GPCPD1: variants seen among roughly 807,000 people sequenced by gnomAD.
GPCPD1 encodes glycerophosphocholine phosphodiesterase 1.
A neutral mutation model predicts 89.2 loss-of-function variants in GPCPD1; 29 were observed. The observed-to-expected ratio is 0.33, with a 90% CI of 0.24 to 0.44. The LOEUF (loss-of-function observed/expected upper bound fraction) is 0.44, where lower values mean the gene tolerates loss of function less well. Ranked by LOEUF, GPCPD1 falls within the 20% of genes least tolerant of loss-of-function variation. The probability of loss-of-function intolerance (pLI) is 1.00; values close to 1 mark genes in which losing one functional copy is unlikely to be tolerated. For synonymous variants in GPCPD1, 258 were observed against 266.3 expected (o/e 0.97, Z 0.30); for missense variants, 594 against 808.9 (o/e 0.73, Z 3.22).
chr20:5,553,696 A>T (rs1430035721), intron 19 of GPCPD1, among the ~76,000 whole-genome samples: 3 of 152,218 alleles, frequency 2.0e-5, no homozygotes, highest in African/African-American at 4.8e-5. Flanking sequence ...TGGATAGAAG[A>T]TCAAACCAGC....
intron 6 of GPCPD1, among the ~76,000 whole-genome samples, chr20:5,581,149 A>G (rs766083242): frequency 2.0e-5 from 3 of 152,154 alleles, no homozygotes; most frequent in Non-Finnish European, 4.4e-5. Context: ...AAGTGCTGGT[A>G]TTACAGGCAT....
chr20:5,550,338 C>A (rs2122525183), intron 19 of GPCPD1, among the ~76,000 whole-genome samples: 1 of 143,872 alleles, frequency 7.0e-6, no homozygotes, highest in South Asian at 2.2e-4. Context: ...AAATCTGGTC[C>A]AAGAGCTATT....
chr20:5,570,371 T>C (rs1180901107), intron 11 of GPCPD1, 132 bp from the exon 12 acceptor site: 3 of 412,238 alleles, frequency 7.3e-6, no homozygotes, highest in African/African-American at 6.4e-5. Flanking sequence ...AAGTAATGTA[T>C]TCTCTTAAAA....
chr20:5,593,368 C>A lies in GPCPD1; in HGVS notation c.190G>T (p.Val64Phe), dbSNP rs1436721887. 6.3e-7 allele frequency: 1 copy of A among 1,598,634 alleles called. No homozygotes were observed. The highest frequency in any genetic ancestry group is 8.6e-7 in the Non-Finnish European group (1 of 1,166,298). The change falls in exon 4 of 20, where the codon GTT (valine) becomes TTT (phenylalanine). Residue 64 changes from valine to phenylalanine, a missense_variant. Transcript: ENST00000379019. ...TACCCTTTGAAGTAGCGATACTGAA[C>A]TGATACTCCTCTACTGAGTACAATG... ...ATIVLSRGVS[V>F]QYRYFKGYFL...
intron 4 of GPCPD1, among the ~76,000 whole-genome samples, chr20:5,589,505 G>A (rs1163004524): frequency 2.0e-5 from 3 of 152,046 alleles, no homozygotes; most frequent in East Asian, 3.9e-4. Flanking sequence ...CCAACTACTC[G>A]GAAGGCTGAT....
In GPCPD1 at chr20:5,567,562, T is replaced by TAAAAAAAAAAAAAAA; in HGVS notation, c.1150-17_1150-3dup. On this transcript the variant is annotated splice_region_variant and splice_polypyrimidine_tract_variant and intron_variant, in intron 12 of 19. Transcript: ENST00000379019. ...TTCAACTGGATCAGCATCAAATTTC[T>TAAAAAAAAAAAAAAA]AAAAAAAAAAAAAAAAGAAAGAAAG... The TAAAAAAAAAAAAAAA allele has an allele frequency of 7.7e-7, 1 of 1,296,988 alleles. No individual in the cohort carries two copies. The highest frequency in any genetic ancestry group is 1.0e-6 in the Non-Finnish European group (1 of 975,634). 80.3% of individuals were successfully genotyped at this position (1,296,988 alleles called of 1,614,324 possible).
Position 5,547,786 on chromosome 20 carries a change from G to GC in GPCPD1, c.1893dup (p.Gln632AlafsTer7). 1 of 1,610,264 alleles carries GC rather than the reference G, an allele frequency of 6.2e-7. No individual in the cohort carries two copies. The highest frequency in any genetic ancestry group is 1.1e-5 in the South Asian group (1 of 90,850). ...CAGCTCTTAAGCTCTGGCAATTCCT[G>GC]CTTCAGGCGTTCCAATTGCTCCACT... On this transcript the variant is annotated frameshift_variant, in exon 20 of 20. Coordinates refer to ENST00000379019, the MANE Select transcript of GPCPD1 (RefSeq NM_019593.5). LOFTEE classifies it high-confidence loss of function.
At chr20:5,595,725 C>T (rs895232191) in intron 3 of GPCPD1, among the ~76,000 whole-genome samples, 11 of 152,018 alleles carry the variant, frequency 7.2e-5, no homozygotes, top group African/African-American at 1.7e-4. Flanking sequence ...GCCTCAGAAT[C>T]CTTTTCAACA....
chr20:5,584,347 T>C (rs754113622), intron 5 of GPCPD1, 25 bp from the exon 6 acceptor site: 2 of 1,123,188 alleles, frequency 1.8e-6, no homozygotes, highest in Admixed American at 1.8e-5. Flanking sequence ...AAATAGAAAA[T>C]TTAGTTAAAA....
rs1979036063 is a variant in GPCPD1, at chr20:5,587,832, T to C, written c.232-1563A>G. Reference sequence around the variant, plus strand: ...ATATGTAACAAATTAGGCACATTATTAATTATTAAATGCAATAAATAATCC... The same window carrying C: ...ATATGTAACAAATTAGGCACATTATCAATTATTAAATGCAATAAATAATCC... On this transcript the variant is annotated intron_variant, in intron 4 of 19. Transcript: ENST00000379019. Among the ~76,000 whole-genome samples the C allele has an allele frequency of 2.0e-5, 3 of 152,266 alleles. No homozygotes were observed. The South Asian group carries it at 6.2e-4, about 31-fold the overall frequency.
intron 19 of GPCPD1, among the ~76,000 whole-genome samples, chr20:5,554,836 T>G (rs563800190): frequency 6.6e-6 from 1 of 152,262 alleles, no homozygotes; most frequent in South Asian, 2.1e-4. Context: ...TGAAAACTTT[T>G]TATCATTCCA....
At chr20:5,604,518 C>T in intron 1 of GPCPD1, 78 bp from the exon 2 acceptor site, 1 of 596,228 alleles carries the variant, frequency 1.7e-6, no homozygotes, top group Non-Finnish European at 2.9e-6. Flanking sequence ...CAACTTCAAC[C>T]AAGAGCTATT....
chr20:5,571,782 G>T (rs776395512), intron 11 of GPCPD1, among the ~76,000 whole-genome samples: 1 of 151,978 alleles, frequency 6.6e-6, no homozygotes, highest in African/African-American at 2.4e-5. Context: ...GGTGGCAAAC[G>T]CCTGTAATCT....
At chr20:5,559,404 G>A (rs1235467150) in intron 17 of GPCPD1, among the ~76,000 whole-genome samples, 1 of 152,050 alleles carries the variant, frequency 6.6e-6, no homozygotes, top group African/African-American at 2.4e-5. Flanking sequence ...TGTGAAAGAG[G>A]AGGAGACCTC....
rs770573845 is a variant in GPCPD1, at chr20:5,604,454, G to C, written c.-28-14C>G. On this transcript the variant is annotated splice_polypyrimidine_tract_variant and intron_variant, in intron 1 of 19. Transcript: ENST00000379019. ...TATGATGTCGTGCTAGGAAAAAAAA[G>C]AAAAGTAACTTATAGTATAAAAATA... The C allele has an allele frequency of 8.0e-7, 1 of 1,255,782 alleles. No homozygotes were observed. Among genetic ancestry groups the C allele is most frequent in the Non-Finnish European group, 1.2e-6 (1 of 869,472 alleles). The allele number at this position is 1,255,782 out of a possible 1,614,324, so 77.8% of individuals were successfully genotyped here.
rs201514222 is a variant in GPCPD1 at position 5,547,742 on chromosome 20, G to T, written c.1938C>A (p.Ser646Arg). 146 of 1,610,204 alleles carry T rather than the reference G, an allele frequency of 9.1e-5. No homozygotes were observed. Among genetic ancestry groups the T allele is most frequent in the Admixed American group, 8.7e-4 (52 of 60,002 alleles). The change falls in exon 20 of 20, where the codon AGC becomes AGA. Residue 646 changes from serine to arginine, a missense_variant. By Grantham distance (110) the Ser-to-Arg change is moderately radical. Coordinates refer to ENST00000379019, the MANE Select transcript of GPCPD1 (RefSeq NM_019593.5). ...ELKSCLCPTV[S>R]RFVPSSLCGE... is the part of the protein sequence containing the mutation. ...CACACAAAGATGAGGGAACAAAGCG[G>T]CTAACAGTGGGACACAAACAGCTCT...
At chr20:5,569,907 T>A (rs993193727) in intron 12 of GPCPD1, among the ~76,000 whole-genome samples, 55 of 152,250 alleles carry the variant, frequency 3.6e-4, no homozygotes, top group African/African-American at 1.3e-3. Context: ...GGAATGTCCC[T>A]TTTTTGTAAC....
In GPCPD1 at chr20:5,545,848, C is replaced by G. The variant is rs911010177; in HGVS notation, c.*1813G>C. The G allele has an allele frequency of 6.6e-6, 1 of 152,376 alleles. No individual in the cohort carries two copies. The highest frequency in any genetic ancestry group is 2.4e-5 in the African/African-American group (1 of 41,450). The allele number at this position is 152,376 out of a possible 1,614,324, so 9.4% of individuals were successfully genotyped here. On this transcript the variant is annotated 3_prime_UTR_variant, in exon 20 of 20. Transcript: ENST00000379019. ...CTCCCCATGACCTCCTTCCTTCATC[C>G]TTTCTTCTGTCTCCTTTTTCTCTTT...
rs1184868835 is a variant in GPCPD1 at position 5,566,770 on chromosome 20, G to C, written c.1230C>G (p.Leu410=). ...TAGATTTCAGTGCAGTCACATGAGT[G>C]AGCTAGAAAGCACACAAACAAAATG... The part of the protein sequence containing the change: ...LTFDQLQLLK[L]THVTALKSKD... The change falls in exon 14 of 20, where the codon CTC becomes CTG. Residue 410 remains leucine (L), a splice_region_variant and synonymous_variant. Coordinates refer to ENST00000379019, the MANE Select transcript of GPCPD1 (RefSeq NM_019593.5). The C allele has an allele frequency of 1.3e-6, 2 of 1,579,244 alleles. No individual in the cohort carries two copies. Among genetic ancestry groups the C allele is most frequent in the Non-Finnish European group, 1.7e-6 (2 of 1,148,440 alleles).
Sources: gnomAD v4.1 joint callset for allele counts (sites outside exome capture counted in the v4.1 genomes callset) on GRCh38, gnomAD v4.1.1 for gene constraint, MANE v1.5 for transcripts, NCBI Gene and HGNC (gene_info 2026-07-23, HGNC 2026-07-21) for gene names.